Variants in IZUMO4 observed in about 807,000 individuals in gnomAD.
The protein encoded by IZUMO4 is IZUMO family member 4.
Under a neutral mutation model 37.1 loss-of-function variants are expected in IZUMO4, and 51 were observed. The observed-to-expected ratio is 1.38, with a 90% CI of 1.10 to 1.74. The LOEUF (loss-of-function observed/expected upper bound fraction) is 1.74. Among genes scored for constraint, IZUMO4 ranks in the 40% most tolerant of loss-of-function variants. The pLI, the probability that IZUMO4 is intolerant of heterozygous loss-of-function variation, is 0.00. For missense variants in IZUMO4, 364 were observed against 299.6 expected, an observed-to-expected ratio of 1.21 and a Z score of -1.59; for synonymous variants, 162 against 121.4, an observed-to-expected ratio of 1.33 and a Z score of -2.20.
Position 2,099,540 on chromosome 19 carries a change from G to T in IZUMO4, c.*195G>T. On this transcript the variant is annotated 3_prime_UTR_variant, in exon 10 of 10. Transcript: ENST00000395301. ...TGTGCGCAGCATCAGCGCCTGGGCA[G>T]GTCCGCAGAGCTGCGGGATGTGATT... 1.7e-6 allele frequency: 1 copy of T among 589,182 alleles called. No individual in the cohort carries two copies. The highest frequency in any genetic ancestry group is 3.0e-6 in the Non-Finnish European group (1 of 328,274). 36.5% of individuals were successfully genotyped at this position (589,182 alleles called of 1,614,324 possible).
At chr19:2,099,123 G>C (rs2017829911) in intron 9 of IZUMO4, 94 bp downstream of exon 9, 1 of 1,392,566 alleles carries the variant, frequency 7.2e-7, no homozygotes, top group Non-Finnish European at 1.0e-6. Context: ...GACATCCCAG[G>C]CACGAGGGTG....
rs1051751211 is a variant in IZUMO4, at chr19:2,097,352, G to T, written c.298+20G>T. ...TCCCCGGTAAGGGGCGCGAAACCGA[G>T]GCGGGGCCCCCCCACCCCGGGACAC... On this transcript the variant is annotated intron_variant, in intron 2 of 9. Transcript: ENST00000395301. 6.2e-7 allele frequency: 1 copy of T among 1,612,326 alleles called. No homozygotes were observed. The highest frequency in any genetic ancestry group is 2.2e-5 in the East Asian group (1 of 44,886).
rs2017738421 is a variant in IZUMO4, at chr19:2,097,459, G to T, written c.334G>T (p.Glu112Ter). ...CAACGAGCTGCGAAACATCTTCCGG[G>T]AGCAGGTGCACCTCATCCAGAACGC... ...FPNELRNIFR[E>*]QVHLIQNAII... The change falls in exon 3 of 10, where the codon GAG becomes TAG. Residue 112 changes from glutamate (E) to a stop codon, truncating the protein, a stop_gained. Transcript: ENST00000395301. LOFTEE classifies it high-confidence loss of function. 1.2e-6 allele frequency: 2 copies of T among 1,613,448 alleles called. No homozygotes were observed. The highest frequency in any genetic ancestry group is 1.7e-6 in the Non-Finnish European group (2 of 1,179,988).
rs200989915 is a variant in IZUMO4 at position 2,099,490 on chromosome 19, C to CGGGA, written c.*154_*157dup. 1,508 of 355,968 alleles carry CGGGA rather than the reference C, an allele frequency of 4.2e-3. 19 individuals are homozygous for CGGGA. Among genetic ancestry groups the CGGGA allele is most frequent in the African/African-American group, 0.03 (1,366 of 45,934 alleles). The allele number at this position is 355,968 out of a possible 1,614,324, so 22.1% of individuals were successfully genotyped here. A position where few individuals can be genotyped will look rare whatever the true frequency, so the allele number is the denominator to read the frequency against. On this transcript the variant is annotated 3_prime_UTR_variant, in exon 10 of 10. Transcript: ENST00000395301. ...GCTGAGCTGGCCAGGGCCAGGAGGG[C>CGGGA]GGGAGGGAGGGAATGGGGGTGGGCT...
chr19:2,098,785 A>G lies in IZUMO4; in HGVS notation c.537-2A>G. On this transcript the variant is annotated splice_acceptor_variant, in intron 7 of 9. Coordinates refer to ENST00000395301, the MANE Select transcript of IZUMO4 (RefSeq NM_001039846.2). LOFTEE classifies it high-confidence loss of function. The stretch of plus-strand genomic sequence containing the variant: ...GGCTGACTGCCCCACATTGCCTTTC[A>G]GACAGGACACGAGCATGAGGTAAGG... 1.2e-6 allele frequency: 2 copies of G among 1,602,672 alleles called. 1 individual carries two copies. Among genetic ancestry groups the G allele is most frequent in the South Asian group, 2.2e-5 (2 of 90,006 alleles).
chr19:2,097,703 C>G (rs781745663), intron 3 of IZUMO4: 3 of 685,236 alleles, frequency 4.4e-6, no homozygotes, highest in Non-Finnish European at 7.5e-6. Context: ...CCCCCAGAGG[C>G]GCTGGGAGTG....
chr19:2,097,796 A>G (rs1642504384), intron 3 of IZUMO4, 133 bp from the exon 4 acceptor site: 6 of 1,144,008 alleles, frequency 5.2e-6, no homozygotes, highest in Non-Finnish European at 7.7e-6. Flanking sequence ...CCATGGACAC[A>G]CATACATGAA....
chr19:2,097,856 G>A (rs151161312), intron 3 of IZUMO4, 73 bp from the exon 4 acceptor site: 10 of 1,578,980 alleles, frequency 6.3e-6, no homozygotes, highest in Non-Finnish European at 8.7e-6. Flanking sequence ...CTGAGGCTTT[G>A]GAGGGTTGGG....
chr19:2,099,410 C>A lies in IZUMO4; in HGVS notation c.*65C>A. On this transcript the variant is annotated 3_prime_UTR_variant, in exon 10 of 10. Transcript: ENST00000395301. ...ACTCAGCTGGACAGCCCCTGCCTGTCACTCTGGAGCTGGGCTGCTGCTGCC... is the reference window on the plus strand; with the variant it reads ...ACTCAGCTGGACAGCCCCTGCCTGTAACTCTGGAGCTGGGCTGCTGCTGCC... 8.5e-7 allele frequency: 1 copy of A among 1,170,644 alleles called. No homozygotes were observed. Among genetic ancestry groups the A allele is most frequent in the South Asian group, 1.3e-5 (1 of 76,816 alleles). 72.5% of individuals were successfully genotyped at this position (1,170,644 alleles called of 1,614,324 possible).
At position 2,097,113 on chromosome 19, in the gene IZUMO4, G is replaced by C; in HGVS notation, c.168G>C (p.Trp56Cys). ...TGTCAGGGGCGCTGCTCACCGACTG[G>C]AGCGACGACACGATGAAGGAGCTGC... ...IPVSGALLTDWSDDTMKELHL... is the reference protein window; with the variant it reads ...IPVSGALLTDCSDDTMKELHL... The change falls in exon 1 of 10, where the codon TGG becomes TGC. Residue 56 changes from tryptophan to cysteine, a missense_variant. Transcript: ENST00000395301. 1 of 1,612,630 alleles carries C rather than the reference G, an allele frequency of 6.2e-7. No individual in the cohort carries two copies. Among genetic ancestry groups the C allele is most frequent in the East Asian group, 2.2e-5 (1 of 44,872 alleles).
intron 7 of IZUMO4, 42 bp downstream of exon 7, chr19:2,098,492 T>A (rs2017789723): frequency 1.9e-6 from 3 of 1,613,312 alleles, no homozygotes; most frequent in African/African-American, 1.3e-5. Flanking sequence ...TGTGTGTATG[T>A]GAGCACCTCG....
Position 2,096,949 on chromosome 19 carries a change from G to C in IZUMO4, c.4G>C (p.Ala2Pro). 2 of 1,604,600 alleles carry C rather than the reference G, an allele frequency of 1.2e-6. No individual in the cohort carries two copies. The highest frequency in any genetic ancestry group is 1.7e-6 in the Non-Finnish European group (2 of 1,179,126). Residue 2 changes from alanine to proline, a missense_variant, in exon 1 of 10, where the codon GCC becomes CCC. Ala to Pro is a conservative substitution (Grantham distance 27, BLOSUM62 -1). Coordinates refer to ENST00000395301, the MANE Select transcript of IZUMO4 (RefSeq NM_001039846.2). ...CCGGCGGCGGGCCGGGACGGGCATG[G>C]CCCTGCTGCTGTGCCTGGTGTGCCT... M[A>P]LLLCLVCLTA...
At chr19:2,097,688 A>G (rs763242328) in intron 3 of IZUMO4, 193 bp downstream of exon 3, 42 of 694,762 alleles carry the variant, frequency 6.0e-5, no homozygotes, top group Admixed American at 3.6e-4. Context: ...ACCTCCCCTA[A>G]GTAGCCCCCA....
Position 2,097,311 on chromosome 19 carries a change from CA to C in IZUMO4, c.278del (p.Gln93ArgfsTer79), listed in dbSNP as rs1454573213. ...GTACCAGATGATGGATCAGCTGTAC[CA>C]GGGGAAGATGTACTTCCCCGGTAAG... is the stretch of plus-strand genomic sequence containing the variant. The part of the protein sequence containing the change: ...AVYQMMDQLY[Q>X]GKMYFPGYFP... On this transcript the variant is annotated frameshift_variant, in exon 2 of 10. Transcript: ENST00000395301. LOFTEE classifies it high-confidence loss of function. 3.1e-6 allele frequency: 5 copies of C among 1,612,700 alleles called. No individual in the cohort carries two copies. The highest frequency in any genetic ancestry group is 4.2e-6 in the Non-Finnish European group (5 of 1,179,932).
In IZUMO4 at chr19:2,097,520, G is replaced by A. The variant is rs1366867198; in HGVS notation, c.370+25G>A. On this transcript the variant is annotated intron_variant, in intron 3 of 9. Transcript: ENST00000395301. Reference sequence around the variant, plus strand: ...AGTGAGCAAATAAGGCTTCAGAGGAGGGAGGTGTTGCCCAGAGCCTCGGAG... The same window carrying A: ...AGTGAGCAAATAAGGCTTCAGAGGAAGGAGGTGTTGCCCAGAGCCTCGGAG... The A allele has an allele frequency of 6.2e-6, 10 of 1,600,472 alleles. No individual in the cohort carries two copies. The South Asian group carries it at 6.6e-5, about 11-fold the overall frequency.
chr19:2,097,222 C>G (rs763921883), intron 1 of IZUMO4, 30 bp from the exon 2 acceptor site: 25 of 1,608,648 alleles, frequency 1.6e-5, no homozygotes, highest in Admixed American at 1.0e-4. Flanking sequence ...CGGGGCAGGC[C>G]GGTCACCTGG....
In IZUMO4 at chr19:2,098,461, TC is replaced by T. The variant is rs773924835; in HGVS notation, c.536+13del. 6.2e-7 allele frequency: 1 copy of T among 1,613,824 alleles called. No homozygotes were observed. The highest frequency in any genetic ancestry group is 8.5e-7 in the Non-Finnish European group (1 of 1,179,998). On this transcript the variant is annotated intron_variant, in intron 7 of 9. Coordinates refer to ENST00000395301, the MANE Select transcript of IZUMO4 (RefSeq NM_001039846.2). ...AAATAACTGGCACAAGTAAGTCCCC[TC>T]CTCAAACCAACACAGGCAGTGTGTG...
intron 7 of IZUMO4, 108 bp from the exon 8 acceptor site, chr19:2,098,679 G>A (rs2144957093): frequency 1.3e-6 from 2 of 1,567,318 alleles, no homozygotes; most frequent in East Asian, 4.5e-5. Context: ...GGTCCCCATA[G>A]GGTCTGGTTC....
intron 8 of IZUMO4, 85 bp downstream of exon 8, chr19:2,098,889 G>T (rs778364622): frequency 6.4e-7 from 1 of 1,569,438 alleles, no homozygotes; most frequent in Non-Finnish European, 8.8e-7. Context: ...ATCAGTGGGG[G>T]CACTGCAGGT....
Sources: allele counts gnomAD v4.1 joint callset, GRCh38; gene constraint gnomAD v4.1.1; transcripts MANE v1.5; gene names NCBI Gene and HGNC (gene_info 2026-07-23, HGNC 2026-07-21).